The following CABLES1 variants were observed in gnomAD, a reference collection of about 807,000 sequenced individuals.
CABLES1 encodes the protein CDK5 and ABL1 enzyme substrate 1.
In CABLES1, 36 loss-of-function variants were observed where a neutral mutation model predicts 57.8. The observed-to-expected ratio is 0.62, with a 90% CI of 0.48 to 0.82. The LOEUF (loss-of-function observed/expected upper bound fraction) is 0.82. Among genes scored for constraint, CABLES1 ranks in the 40% least tolerant of loss-of-function variants. The probability of loss-of-function intolerance (pLI) is 0.00; values close to 1 mark genes in which losing one functional copy is unlikely to be tolerated. For missense variants in CABLES1, 767 were observed against 836.6 expected, an observed-to-expected ratio of 0.92 and a Z score of 1.03; for synonymous variants, 374 against 363.0, an observed-to-expected ratio of 1.03 and a Z score of -0.35.
intron 7 of CABLES1, among the ~76,000 whole-genome samples, chr18:23,250,952 T>G (rs999458180): frequency 1.3e-5 from 2 of 152,224 alleles, no homozygotes; most frequent in African/African-American, 4.8e-5. Context: ...TGCCTCCTCC[T>G]TGCTACTAAC....
chr18:23,150,929 C>G (rs959013657), intron 1 of CABLES1, among the ~76,000 whole-genome samples: 3 of 151,758 alleles, frequency 2.0e-5, no homozygotes, highest in African/African-American at 7.3e-5. Flanking sequence ...GGGGGCTGAC[C>G]TGAGAATCGG....
chr18:23,189,418 C>T (rs1024262756), intron 2 of CABLES1: 2 of 160,536 alleles, frequency 1.2e-5, no homozygotes, highest in African/African-American at 2.4e-5. Context: ...GCTTGCAAGG[C>T]GTCTTTTTGG....
chr18:23,148,441 C>T (rs757300632), intron 1 of CABLES1, among the ~76,000 whole-genome samples: 8 of 152,200 alleles, frequency 5.3e-5, no homozygotes, highest in Admixed American at 1.3e-4. Flanking sequence ...GCTTCTACCT[C>T]CTCTCCTTGA....
intron 1 of CABLES1, among the ~76,000 whole-genome samples, chr18:23,154,657 C>T (rs1050202347): frequency 6.6e-6 from 1 of 152,118 alleles, no homozygotes; most frequent in Admixed American, 6.6e-5. Context: ...TTTGTAGGGG[C>T]TGATGTCACC....
rs141267116 is a variant in CABLES1, at chr18:23,198,919, G to A, written c.1010+4379G>A. Among the ~76,000 whole-genome samples, 117 of 152,300 alleles carry A rather than the reference G, an allele frequency of 7.7e-4. 1 individual carries two copies. In the East Asian group the frequency reaches 0.017, roughly 22 times the overall value. On this transcript the variant is annotated intron_variant, in intron 3 of 9. Transcript: ENST00000256925. ...CTTTGTGGCAGTTAGTTCTGCAACC[G>A]TAGGAAACTAAAACATTCATGATCC...
At chr18:23,194,399 C>T (rs2047266778) in intron 2 of CABLES1, 49 bp from the exon 3 acceptor site, 1 of 1,172,724 alleles carries the variant, frequency 8.5e-7, no homozygotes, top group Non-Finnish European at 1.3e-6. Flanking sequence ...GACGTCTCAG[C>T]TGTCCAGCAG....
At chr18:23,153,627 G>A (rs374713825) in intron 1 of CABLES1, among the ~76,000 whole-genome samples, 6 of 152,024 alleles carry the variant, frequency 3.9e-5, no homozygotes, top group Admixed American at 2.6e-4. Context: ...CCAGCTACTC[G>A]GGAGGCTGAG....
At chr18:23,180,413 A>G (rs577089501) in intron 1 of CABLES1, among the ~76,000 whole-genome samples, 3 of 152,278 alleles carry the variant, frequency 2.0e-5, no homozygotes, top group South Asian at 2.1e-4. Flanking sequence ...AGGAAATAAC[A>G]ATAGGGTGAT....
intron 1 of CABLES1, among the ~76,000 whole-genome samples, chr18:23,176,523 T>A (rs2047124331): frequency 6.6e-6 from 1 of 152,104 alleles, no homozygotes; most frequent in Non-Finnish European, 1.5e-5. Flanking sequence ...AAACCCTTTA[T>A]TTGGAGGCCG....
intron 4 of CABLES1, among the ~76,000 whole-genome samples, chr18:23,216,006 G>C (rs899835896): frequency 6.6e-6 from 1 of 152,040 alleles, no homozygotes; most frequent in African/African-American, 2.4e-5. Flanking sequence ...TGCCCGCCTC[G>C]GCCTCCCAAA....
chr18:23,188,974 G>T lies in CABLES1; in HGVS notation c.917+65G>T, dbSNP rs552048983. ...CCATGACAGCCAGAGATTGATTTTG[G>T]TTTTTTAACTTCTTGATCTATAGAA... On this transcript the variant is annotated intron_variant, in intron 2 of 9. Transcript: ENST00000256925. The T allele has an allele frequency of 2.6e-4, 298 of 1,128,170 alleles. 1 individual carries two copies. The African/African-American group carries it at 4.4e-3, about 17-fold the overall frequency. 69.9% of individuals were successfully genotyped at this position (1,128,170 alleles called of 1,614,324 possible).
At chr18:23,224,639 G>A (rs915288847) in intron 4 of CABLES1, among the ~76,000 whole-genome samples, 8 of 146,722 alleles carry the variant, frequency 5.5e-5, no homozygotes, top group Non-Finnish European at 1.2e-4. Flanking sequence ...CGGGGTCTCG[G>A]CTCACTGCAA....
chr18:23,176,363 G>A (rs1278773012), intron 1 of CABLES1, among the ~76,000 whole-genome samples: 1 of 152,140 alleles, frequency 6.6e-6, no homozygotes, highest in Non-Finnish European at 1.5e-5. Flanking sequence ...AGAATCTGAT[G>A]CCCCGCTGAT....
At chr18:23,138,938 C>T (rs2046840326) in intron 1 of CABLES1, among the ~76,000 whole-genome samples, 1 of 152,184 alleles carries the variant, frequency 6.6e-6, no homozygotes. Context: ...GCAGACTCTT[C>T]CCTACTCCAG....
At chr18:23,203,697 A>T (rs1410091716) in intron 3 of CABLES1, among the ~76,000 whole-genome samples, 2 of 151,276 alleles carry the variant, frequency 1.3e-5, no homozygotes, top group Non-Finnish European at 2.9e-5. Context: ...AGGAAGTGGC[A>T]TGTTTCAAAA....
At chr18:23,253,121 C>T (rs1816754388) in intron 8 of CABLES1, 55 bp downstream of exon 8, 1 of 966,926 alleles carries the variant, frequency 1.0e-6, no homozygotes, top group Admixed American at 1.7e-5. Context: ...TCTTTCCACA[C>T]ACCGTAAGCT....
At chr18:23,161,508 G>T (rs2047003686) in intron 1 of CABLES1, among the ~76,000 whole-genome samples, 1 of 150,684 alleles carries the variant, frequency 6.6e-6, no homozygotes, top group Non-Finnish European at 1.5e-5. Context: ...AACACATACT[G>T]TGTGACCAAC....
intron 3 of CABLES1, among the ~76,000 whole-genome samples, chr18:23,205,181 CTTTTTTTTTTTTT>C (rs34690271): frequency 2.5e-5 from 2 of 81,188 alleles, no homozygotes; most frequent in African/African-American, 1.0e-4. Flanking sequence ...TCATTCCTGA[CTTTTTTTTTTTTT>C]TTTTTTTTTT....
chr18:23,229,834 TCACACATAAAGACTGAG>T (rs962782488), intron 4 of CABLES1, among the ~76,000 whole-genome samples: 96 of 152,332 alleles, frequency 6.3e-4, no homozygotes, highest in African/African-American at 2.1e-3. Context: ...TGCTTTTCAC[TCACACATAAAGACTGAG>T]CAGTTGCCTG....
Sources: allele counts gnomAD v4.1 joint callset (sites outside exome capture counted in the v4.1 genomes callset), GRCh38; gene constraint gnomAD v4.1.1; transcripts MANE v1.5; gene names NCBI Gene and HGNC (gene_info 2026-07-23, HGNC 2026-07-21).